Variants in FIGN observed in about 807,000 individuals in gnomAD.
FIGN encodes fidgetin.
A neutral mutation model predicts 51.3 loss-of-function variants in FIGN; 11 were observed. The observed-to-expected ratio is 0.21, with a 90% CI of 0.13 to 0.35. The LOEUF is 0.35. Ranked by LOEUF, FIGN falls within the 10% of genes least tolerant of loss-of-function variation. The pLI is 1.00. For synonymous variants in FIGN, 407 were observed against 363.2 expected, an observed-to-expected ratio of 1.12 and a Z score of -1.37; for missense variants, 857 against 943.6, an observed-to-expected ratio of 0.91 and a Z score of 1.20.
intron 2 of FIGN, among the ~76,000 whole-genome samples, chr2:163,623,433 CT>C (rs1683004052): frequency 6.6e-6 from 1 of 152,050 alleles, no homozygotes; most frequent in Non-Finnish European, 1.5e-5. Flanking sequence ...TGCTGATTTC[CT>C]TAATTGAATA....
intron 2 of FIGN, among the ~76,000 whole-genome samples, chr2:163,723,527 C>T (rs1351513556): frequency 6.6e-6 from 1 of 152,176 alleles, no homozygotes; most frequent in East Asian, 1.9e-4. Flanking sequence ...TCAAAGAAGG[C>T]TTCATGGATG....
intron 2 of FIGN, among the ~76,000 whole-genome samples, chr2:163,696,703 T>C (rs1297535947): frequency 1.3e-5 from 2 of 152,158 alleles, no homozygotes; most frequent in African/African-American, 4.8e-5. Flanking sequence ...AGTCTAGCTC[T>C]GTTGCCCAGG....
chr2:163,696,561 G>A (rs141161154), intron 2 of FIGN, among the ~76,000 whole-genome samples: 1 of 152,236 alleles, frequency 6.6e-6, no homozygotes, highest in East Asian at 1.9e-4. Flanking sequence ...TTTTGAGAGA[G>A]TGCCAGGAAA....
chr2:163,668,501 T>G (rs897849497), intron 2 of FIGN, among the ~76,000 whole-genome samples: 5 of 152,350 alleles, frequency 3.3e-5, no homozygotes, highest in African/African-American at 1.2e-4. Flanking sequence ...ATAAAGGCTT[T>G]AGGAGTTGAG....
In FIGN at chr2:163,607,113, G is replaced by A. The variant is rs1691126713; in HGVS notation, c.*2439C>T. 1 of 152,160 alleles carries A rather than the reference G, an allele frequency of 6.6e-6. No homozygotes were observed. The allele number at this position is 152,160 out of a possible 1,614,324, so 9.4% of individuals were successfully genotyped here. On this transcript the variant is annotated 3_prime_UTR_variant, in exon 3 of 3. Transcript: ENST00000333129. ...GTCAAAACTTGCCAGACGCTTTCAA[G>A]TGAACACAGCATGTTGGCGGAAATG...
At position 163,610,221 on chromosome 2, in the gene FIGN, T is replaced by C. The variant is rs1337720956; in HGVS notation, c.1611A>G (p.Arg537=). 1 of 1,614,014 alleles carries C rather than the reference T, an allele frequency of 6.2e-7. No homozygotes were observed. The highest frequency in any genetic ancestry group is 8.5e-7 in the Non-Finnish European group (1 of 1,180,036). Residue 537 remains arginine (R), a synonymous_variant, in exon 3 of 3, where the codon AGA becomes AGG. Coordinates refer to ENST00000333129, the MANE Select transcript of FIGN (RefSeq NM_018086.4). The part of the protein sequence containing the change: ...PRGTGKTLLG[R]CIASQLGATF... Reference sequence around the variant, plus strand: ...TGGCCCCCAGCTGACTAGCGATGCATCTGCCCAATAATGTTTTGCCTGTCC... The same window carrying C: ...TGGCCCCCAGCTGACTAGCGATGCACCTGCCCAATAATGTTTTGCCTGTCC...
intron 2 of FIGN, among the ~76,000 whole-genome samples, chr2:163,728,960 A>C (rs2105368015): frequency 6.6e-6 from 1 of 152,330 alleles, no homozygotes; most frequent in South Asian, 2.1e-4. Context: ...ATAAGCAAAA[A>C]GTTTAGAACG....
intron 2 of FIGN, among the ~76,000 whole-genome samples, chr2:163,625,582 CT>C (rs1207280287): frequency 6.6e-6 from 1 of 151,860 alleles, no homozygotes; most frequent in East Asian, 1.9e-4. Flanking sequence ...TGTTATATAC[CT>C]CTGAGGACAA....
chr2:163,654,011 G>T (rs139798039), intron 2 of FIGN, among the ~76,000 whole-genome samples: 1 of 152,030 alleles, frequency 6.6e-6, no homozygotes, highest in South Asian at 2.1e-4. Flanking sequence ...ATGAATATAA[G>T]GATAATTTGA....
chr2:163,608,827 T>C lies in FIGN; in HGVS notation c.*725A>G, dbSNP rs1384425153. ...CAATTGTTGAGGTAAACATACATTT[T>C]AATATAAAGTAACATTGAAGCCTAT... On this transcript the variant is annotated 3_prime_UTR_variant, in exon 3 of 3. Coordinates refer to ENST00000333129, the MANE Select transcript of FIGN (RefSeq NM_018086.4). 1 of 152,624 alleles carries C rather than the reference T, an allele frequency of 6.6e-6. No individual in the cohort carries two copies. The highest frequency in any genetic ancestry group is 2.4e-5 in the African/African-American group (1 of 41,458). 9.5% of individuals were successfully genotyped at this position (152,624 alleles called of 1,614,324 possible). A position where few individuals can be genotyped will look rare whatever the true frequency, so the allele number is the denominator to read the frequency against.
rs1683662155 is a variant in FIGN, at chr2:163,660,863, A to ATG, written c.26-49058_26-49057insCA. 2.6e-4 allele frequency among the ~76,000 whole-genome samples: 6 copies of ATG among 23,496 alleles called. No individual in the cohort carries two copies. In the East Asian group the frequency reaches 9.2e-3, roughly 36 times the overall value. 15.4% of individuals were successfully genotyped at this position (23,496 alleles called of 152,430 possible). ...TATACATATATATATGTATACATAT[A>ATG]TATATATATATATATATTTTTTTTT... On this transcript the variant is annotated intron_variant, in intron 2 of 2. Coordinates refer to ENST00000333129, the MANE Select transcript of FIGN (RefSeq NM_018086.4).
chr2:163,699,289 T>C (rs373775472), intron 2 of FIGN, among the ~76,000 whole-genome samples: 1 of 152,258 alleles, frequency 6.6e-6, no homozygotes, highest in South Asian at 2.1e-4. Context: ...TTAAGATAAT[T>C]TTTTTAAAAC....
chr2:163,649,903 T>C (rs1683444492), intron 2 of FIGN, among the ~76,000 whole-genome samples: 1 of 152,166 alleles, frequency 6.6e-6, no homozygotes, highest in Non-Finnish European at 1.5e-5. Context: ...ACTTATCTCA[T>C]TAAACCTCAA....
intron 2 of FIGN, among the ~76,000 whole-genome samples, chr2:163,654,609 T>C (rs1353503208): frequency 1.3e-5 from 2 of 152,166 alleles, no homozygotes; most frequent in Non-Finnish European, 2.9e-5. Context: ...GGGATGTTTC[T>C]GTAAAGACGA....
chr2:163,674,004 C>A (rs1573941753), intron 2 of FIGN, among the ~76,000 whole-genome samples: 1 of 152,034 alleles, frequency 6.6e-6, no homozygotes, highest in Non-Finnish European at 1.5e-5. Context: ...TAATAAAATT[C>A]TCATCATTAT....
At chr2:163,702,674 G>T (rs1684427512) in intron 2 of FIGN, among the ~76,000 whole-genome samples, 1 of 152,010 alleles carries the variant, frequency 6.6e-6, no homozygotes, top group African/African-American at 2.4e-5. Flanking sequence ...AAAAAGAAAA[G>T]AAAAAGGAGT....
chr2:163,728,175 C>G lies in FIGN; in HGVS notation c.25+6728G>C, dbSNP rs7594520. On this transcript the variant is annotated intron_variant, in intron 2 of 2. Coordinates refer to ENST00000333129, the MANE Select transcript of FIGN (RefSeq NM_018086.4). ...CAAGGTTATTTGGGGGTCTGCCCCC[C>G]CCTTCCTGTCACTCAATGAGCATAC... Among the ~76,000 whole-genome samples, 214 of 152,172 alleles carry G rather than the reference C, an allele frequency of 1.4e-3. 3 individuals carry two copies. In the East Asian group the frequency reaches 0.023, roughly 16 times the overall value.
chr2:163,714,445 A>T (rs1181999428), intron 2 of FIGN, among the ~76,000 whole-genome samples: 2 of 152,174 alleles, frequency 1.3e-5, no homozygotes, highest in East Asian at 3.9e-4. Context: ...CCCAAAAAAG[A>T]GGCAATGCAA....
chr2:163,625,227 A>G lies in FIGN; in HGVS notation c.26-13421T>C, dbSNP rs73015813. Among the ~76,000 whole-genome samples the G allele has an allele frequency of 4.6e-3, 696 of 152,138 alleles. 3 individuals carry two copies. Among genetic ancestry groups the G allele is most frequent in the Middle Eastern group, 0.038 (11 of 292 alleles). ...AAGCCTTGCAGTCATTGGATTATAC[A>G]TGAAAATGTATCCCAGATATAAATA... is the stretch of plus-strand genomic sequence containing the variant. On this transcript the variant is annotated intron_variant, in intron 2 of 2. Coordinates refer to ENST00000333129, the MANE Select transcript of FIGN (RefSeq NM_018086.4).
Sources: gnomAD v4.1 joint callset for allele counts (sites outside exome capture counted in the v4.1 genomes callset) on GRCh38, gnomAD v4.1.1 for gene constraint, MANE v1.5 for transcripts, NCBI Gene and HGNC (gene_info 2026-07-23, HGNC 2026-07-21) for gene names.